Variants in YIPF1 observed in about 807,000 individuals in gnomAD.
The protein encoded by YIPF1 is protein YIPF1.
A neutral mutation model predicts 37.0 loss-of-function variants in YIPF1; 22 were observed. The ratio of observed to expected loss-of-function variants is 0.59; its 90% CI spans 0.42 to 0.85. The LOEUF is 0.85. Ranked by LOEUF, YIPF1 falls within the 40% of genes least tolerant of loss-of-function variation. YIPF1 has a pLI of 0.00. For missense variants in YIPF1, 355 were observed against 373.1 expected (o/e 0.95, Z 0.40); for synonymous variants, 128 against 131.9 (o/e 0.97, Z 0.21).
chr1:53,861,649 G>GAAGGAAGGGAGGGGGGAAGGAAGC (rs1403109407), intron 9 of YIPF1, among the ~76,000 whole-genome samples: 4 of 139,824 alleles, frequency 2.9e-5, no homozygotes, highest in Admixed American at 7.3e-5. Flanking sequence ...GGGAAGGAAG[G>GAAGGAAGGGAGGGGGGAAGGAAGC]AAGGAAGGGA....
At chr1:53,860,495 G>A (rs1384443335) in intron 9 of YIPF1, among the ~76,000 whole-genome samples, 1 of 152,190 alleles carries the variant, frequency 6.6e-6, no homozygotes, top group Non-Finnish European at 1.5e-5. Flanking sequence ...CTAATGAGTG[G>A]TGAAGCCAGA....
At chr1:53,862,280 G>A (rs937369342) in intron 9 of YIPF1, among the ~76,000 whole-genome samples, 6 of 152,122 alleles carry the variant, frequency 3.9e-5, no homozygotes, top group African/African-American at 9.7e-5. Context: ...CAATCCAGTC[G>A]AGTCCATCTC....
At chr1:53,860,295 CAACCATCT>C (rs1289832395) in intron 9 of YIPF1, 142 bp from the exon 10 acceptor site, 1 of 731,532 alleles carries the variant, frequency 1.4e-6, no homozygotes, top group Non-Finnish European at 2.2e-6. Flanking sequence ...CACTAAACTA[CAACCATCT>C]CTGTTTACGT....
At chr1:53,889,016 G>C (rs777785245) in intron 2 of YIPF1, 30 bp from the exon 3 acceptor site, 1 of 1,267,254 alleles carries the variant, frequency 7.9e-7, no homozygotes, top group Non-Finnish European at 1.1e-6. Flanking sequence ...AAACATAATA[G>C]GATGACAGTA....
chr1:53,886,143 G>A (rs1051459980), intron 3 of YIPF1, among the ~76,000 whole-genome samples: 1 of 151,958 alleles, frequency 6.6e-6, no homozygotes, highest in Non-Finnish European at 1.5e-5. Context: ...ATCAGGAAAG[G>A]TTTCTTGGAG....
chr1:53,865,418 C>T (rs1359873023), intron 9 of YIPF1, among the ~76,000 whole-genome samples: 1 of 152,082 alleles, frequency 6.6e-6, no homozygotes, highest in Non-Finnish European at 1.5e-5. Context: ...AAAAATAATA[C>T]ACATTTTAAA....
intron 7 of YIPF1, among the ~76,000 whole-genome samples, chr1:53,867,894 C>G (rs1033880631): frequency 2.0e-5 from 3 of 152,180 alleles, no homozygotes; most frequent in Non-Finnish European, 2.9e-5. Context: ...ATTCCTGTAC[C>G]TCTCTCCTCT....
chr1:53,888,787 GCCA>G (rs1274670352), intron 3 of YIPF1, 117 bp downstream of exon 3: 5 of 1,052,248 alleles, frequency 4.8e-6, no homozygotes, highest in Middle Eastern at 2.2e-4. Context: ...GTGGCCAACA[GCCA>G]CCAAGATGTT....
intron 10 of YIPF1, among the ~76,000 whole-genome samples, chr1:53,855,663 G>C (rs1649700919): frequency 6.6e-6 from 1 of 152,166 alleles, no homozygotes; most frequent in South Asian, 2.1e-4. Context: ...ATAGCAACAT[G>C]CCACACAGGT....
At chr1:53,870,582 C>A (rs924515778) in intron 7 of YIPF1, among the ~76,000 whole-genome samples, 24 of 152,136 alleles carry the variant, frequency 1.6e-4, no homozygotes, top group African/African-American at 5.3e-4. Flanking sequence ...TTGCAGATGA[C>A]CCCAGCTAGT....
Position 53,883,094 on chromosome 1 carries a change from C to G in YIPF1, c.195+19G>C, listed in dbSNP as rs1650544862. The stretch of plus-strand genomic sequence containing the variant: ...GCTTTAAAAATTGTTTAAAAAATAT[C>G]TCAAAGACAAGTTCAAACCTCAGTT... On this transcript the variant is annotated intron_variant, in intron 4 of 10. Transcript: ENST00000072644. The G allele has an allele frequency of 6.4e-7, 1 of 1,551,822 alleles. No homozygotes were observed. Among genetic ancestry groups the G allele is most frequent in the South Asian group, 1.2e-5 (1 of 80,372 alleles).
chr1:53,861,492 G>C (rs141790250), intron 9 of YIPF1, among the ~76,000 whole-genome samples: 314 of 152,202 alleles, frequency 2.1e-3, no homozygotes, highest in African/African-American at 7.2e-3. Context: ...CGCTCCACCT[G>C]CTTTGGCCTC....
intron 10 of YIPF1, among the ~76,000 whole-genome samples, chr1:53,856,078 C>T (rs920501869): frequency 1.3e-5 from 2 of 152,220 alleles, no homozygotes; most frequent in Admixed American, 6.5e-5. Flanking sequence ...GCATTCAGGG[C>T]TCTGGACAGC....
chr1:53,889,117 G>GATATAT (rs1650734416), intron 2 of YIPF1, 127 bp downstream of exon 2: 4 of 492,312 alleles, frequency 8.1e-6, no homozygotes, highest in Non-Finnish European at 1.5e-5. Flanking sequence ...TTTATATAAA[G>GATATAT]ATAACCACTA....
At chr1:53,873,287 A>C (rs1195444905) in intron 6 of YIPF1, among the ~76,000 whole-genome samples, 1 of 152,128 alleles carries the variant, frequency 6.6e-6, no homozygotes, top group Non-Finnish European at 1.5e-5. Flanking sequence ...AAACCTAGAG[A>C]AAGGGATGTG....
chr1:53,873,591 T>C (rs759437428), intron 6 of YIPF1, among the ~76,000 whole-genome samples: 9 of 151,318 alleles, frequency 5.9e-5, no homozygotes, highest in Non-Finnish European at 1.2e-4. Context: ...GGTGAGAGGG[T>C]CACTTGAGGC....
At chr1:53,862,479 A>G (rs1472462778) in intron 9 of YIPF1, among the ~76,000 whole-genome samples, 2 of 152,126 alleles carry the variant, frequency 1.3e-5, no homozygotes, top group Non-Finnish European at 2.9e-5. Context: ...ACATCTCCAA[A>G]CATACACCAA....
chr1:53,861,885 A>G (rs1424253474), intron 9 of YIPF1, among the ~76,000 whole-genome samples: 1 of 152,140 alleles, frequency 6.6e-6, no homozygotes, highest in Non-Finnish European at 1.5e-5. Context: ...GTGGTGGCAC[A>G]TGCCTGTCAT....
At chr1:53,886,097 G>A (rs879560897) in intron 3 of YIPF1, among the ~76,000 whole-genome samples, 9 of 152,010 alleles carry the variant, frequency 5.9e-5, no homozygotes, top group Middle Eastern at 3.4e-3. Context: ...GGTCAAAAAG[G>A]CCCCAAGGAG....
Sources: allele counts gnomAD v4.1 joint callset (sites outside exome capture counted in the v4.1 genomes callset), GRCh38; gene constraint gnomAD v4.1.1; transcripts MANE v1.5; gene names NCBI Gene and HGNC (gene_info 2026-07-23, HGNC 2026-07-21).